The following DNAJA3 variants were observed in gnomAD, a reference collection of about 807,000 sequenced individuals.
DNAJA3 encodes the protein DnaJ heat shock protein family (Hsp40) member A3.
DNAJA3 carries 29 observed loss-of-function variants against 54.9 expected under a neutral mutation model. That is an observed-to-expected ratio of 0.53 (90% confidence interval 0.39 to 0.72). The LOEUF is 0.72. Ranked by LOEUF, DNAJA3 falls within the 30% of genes least tolerant of loss-of-function variation. The pLI is 0.00. For missense variants in DNAJA3, 708 were observed against 639.4 expected (o/e 1.11, Z -1.16); for synonymous variants, 302 against 251.4 (o/e 1.20, Z -1.90).
In DNAJA3 at chr16:4,434,410, A is replaced by G. The variant is rs1267177027; in HGVS notation, c.238A>G (p.Thr80Ala). 1.2e-6 allele frequency: 2 copies of G among 1,613,558 alleles called. No homozygotes were observed. The highest frequency in any genetic ancestry group is 1.7e-6 in the Non-Finnish European group (2 of 1,179,898). ...TGTKHNPFICTASFHTSAPLA... is the reference protein window; with the variant it reads ...TGTKHNPFICAASFHTSAPLA... Reference sequence around the variant, plus strand: ...AACAAAACATAACCCTTTCATTTGTACTGCCTCCTTCCACACGAGTGCCCC... The same window carrying G: ...AACAAAACATAACCCTTTCATTTGTGCTGCCTCCTTCCACACGAGTGCCCC... Residue 80 changes from threonine (T) to alanine (A), a missense_variant, in exon 2 of 12, where the codon ACT (threonine) becomes GCT (alanine). Coordinates refer to ENST00000262375, the MANE Select transcript of DNAJA3 (RefSeq NM_005147.6).
At chr16:4,427,545 G>A (rs1183466810) in intron 1 of DNAJA3, among the ~76,000 whole-genome samples, 1 of 152,210 alleles carries the variant, frequency 6.6e-6, no homozygotes, top group African/African-American at 2.4e-5. Context: ...TCGAGCACCT[G>A]TCTGAAAATT....
At position 4,448,944 on chromosome 16, in the gene DNAJA3, GT is replaced by G. The variant is rs2056941747; in HGVS notation, c.1241+97del. ...TTGGGCAGGTTACTGCTCCCTGTAAGTCAGGTGGTTCCTGCCCGAGTTATCT... is the reference window on the plus strand; with the variant it reads ...TTGGGCAGGTTACTGCTCCCTGTAAGCAGGTGGTTCCTGCCCGAGTTATCT... On this transcript the variant is annotated intron_variant, in intron 9 of 11. Coordinates refer to ENST00000262375, the MANE Select transcript of DNAJA3 (RefSeq NM_005147.6). 2.5e-5 allele frequency: 21 copies of G among 855,532 alleles called. No individual in the cohort carries two copies. The South Asian group carries it at 3.1e-4, about 13-fold the overall frequency. 53.0% of individuals were successfully genotyped at this position (855,532 alleles called of 1,614,324 possible). A position where few individuals can be genotyped will look rare whatever the true frequency, so the allele number is the denominator to read the frequency against.
intron 5 of DNAJA3, 176 bp downstream of exon 5, chr16:4,442,596 T>TA (rs2056849897): frequency 1.4e-6 from 1 of 718,988 alleles, no homozygotes; most frequent in East Asian, 3.1e-5. Flanking sequence ...CTTTCCCTGA[T>TA]ACCACAGGCT....
At position 4,444,727 on chromosome 16, in the gene DNAJA3, G is replaced by C. The variant is rs777703827; in HGVS notation, c.995G>C (p.Arg332Thr). 6.2e-7 allele frequency: 1 copy of C among 1,614,030 alleles called. No homozygotes were observed. Among genetic ancestry groups the C allele is most frequent in the South Asian group, 1.1e-5 (1 of 91,050 alleles). Residue 332 changes from arginine to threonine, a missense_variant and splice_region_variant, in exon 7 of 12, where the codon AGG becomes ACG. By Grantham distance (71) the Arg-to-Thr change is moderately conservative (BLOSUM62 -1). Coordinates refer to ENST00000262375, the MANE Select transcript of DNAJA3 (RefSeq NM_005147.6). ...VGKREIFITF[R>T]VQKSPVFRRD... ...AAAAGGGAAATTTTCATTACGTTCAGGGTAGGTGCCCTGCCCCGCACAGCT... is the reference window on the plus strand; with the variant it reads ...AAAAGGGAAATTTTCATTACGTTCACGGTAGGTGCCCTGCCCCGCACAGCT...
intron 3 of DNAJA3, among the ~76,000 whole-genome samples, chr16:4,439,374 G>T (rs576712731): frequency 1.1e-3 from 159 of 151,324 alleles, no homozygotes; most frequent in African/African-American, 3.6e-3. Context: ...AAAAAAAAGA[G>T]TTGAGGTCTC....
intron 10 of DNAJA3, among the ~76,000 whole-genome samples, chr16:4,452,340 C>T (rs1338117778): frequency 6.6e-6 from 1 of 152,150 alleles, no homozygotes; most frequent in Non-Finnish European, 1.5e-5. Context: ...TCCCTCCTCC[C>T]GCCCATCAGG....
chr16:4,442,284 C>G lies in DNAJA3; in HGVS notation c.647C>G (p.Thr216Arg), dbSNP rs756961084. 2 of 1,596,160 alleles carry G rather than the reference C, an allele frequency of 1.3e-6. No individual in the cohort carries two copies. Among genetic ancestry groups the G allele is most frequent in the African/African-American group, 1.3e-5 (1 of 74,308 alleles). The change falls in exon 5 of 12, where the codon ACA (threonine) becomes AGA (arginine). Residue 216 changes from threonine to arginine, a missense_variant. Thr to Arg is a moderately conservative substitution (Grantham distance 71, BLOSUM62 -1). Transcript: ENST00000262375. ...TTTCTTTAGTACTTCATGGAGTTGA[C>G]ATTCAATCAAGCTGCAAAGGGGGTC... is the stretch of plus-strand genomic sequence containing the variant. ...DQPQEYFMEL[T>R]FNQAAKGVNK... is the part of the protein sequence containing the mutation.
chr16:4,441,532 C>T lies in DNAJA3; in HGVS notation c.587C>T (p.Ser196Phe), dbSNP rs751978124. Residue 196 changes from serine to phenylalanine, a missense_variant, in exon 4 of 12, where the codon TCT becomes TTT. By Grantham distance (155) the Ser-to-Phe change is radical. Coordinates refer to ENST00000262375, the MANE Select transcript of DNAJA3 (RefSeq NM_005147.6). Reference sequence around the variant, plus strand: ...AAGATCTTTGGCGAGTTCTCATCCTCTTCATTTGGAGATTTCCAGACCGTG... The same window carrying T: ...AAGATCTTTGGCGAGTTCTCATCCTTTTCATTTGGAGATTTCCAGACCGTG... ...FRKIFGEFSS[S>F]SFGDFQTVFD... is the part of the protein sequence containing the mutation. The T allele has an allele frequency of 1.1e-5, 17 of 1,614,192 alleles. No homozygotes were observed. The South Asian group carries it at 1.9e-4, about 18-fold the overall frequency.
Position 4,448,863 on chromosome 16 carries a change from G to C in DNAJA3, c.1241+15G>C. On this transcript the variant is annotated intron_variant, in intron 9 of 11. Coordinates refer to ENST00000262375, the MANE Select transcript of DNAJA3 (RefSeq NM_005147.6). Reference sequence around the variant, plus strand: ...CGAGTTCCAAAGTAAGTGCCCCCTAGGCTGTGGCCAAGCCCGCCTGGTCCT... The same window carrying C: ...CGAGTTCCAAAGTAAGTGCCCCCTACGCTGTGGCCAAGCCCGCCTGGTCCT... 6.2e-7 allele frequency: 1 copy of C among 1,604,218 alleles called. No homozygotes were observed. The highest frequency in any genetic ancestry group is 8.5e-7 in the Non-Finnish European group (1 of 1,172,480).
intron 2 of DNAJA3, among the ~76,000 whole-genome samples, chr16:4,436,453 A>G (rs1360400848): frequency 1.3e-5 from 2 of 152,270 alleles, no homozygotes; most frequent in African/African-American, 4.8e-5. Context: ...GTAAAGCTGT[A>G]GCAATTACTG....
chr16:4,454,397 C>T (rs142477005), intron 10 of DNAJA3, among the ~76,000 whole-genome samples: 1,613 of 152,276 alleles, frequency 0.011, 19 homozygotes, highest in Non-Finnish European at 0.016. Flanking sequence ...TTGGGTAAAC[C>T]CTGTAACCTC....
intron 1 of DNAJA3, among the ~76,000 whole-genome samples, chr16:4,431,347 G>A (rs988361968): frequency 1.2e-4 from 19 of 152,188 alleles, no homozygotes; most frequent in African/African-American, 4.6e-4. Flanking sequence ...AACACAAAGT[G>A]GTCTCCTGAC....
Position 4,448,769 on chromosome 16 carries a change from A to G in DNAJA3, c.1162A>G (p.Met388Val). ...GACTCAGACAGACCAGAAGATTCGG[A>G]TGGGTGGGAAAGGCATCCCCCGGAT... ...PGTQTDQKIR[M>V]GGKGIPRINS... Residue 388 changes from methionine to valine, a missense_variant, in exon 9 of 12, where the codon ATG (methionine) becomes GTG (valine). Met to Val is a conservative substitution (Grantham distance 21, BLOSUM62 1). Coordinates refer to ENST00000262375, the MANE Select transcript of DNAJA3 (RefSeq NM_005147.6). 1 of 1,614,100 alleles carries G rather than the reference A, an allele frequency of 6.2e-7. No homozygotes were observed. The highest frequency in any genetic ancestry group is 8.5e-7 in the Non-Finnish European group (1 of 1,179,974).
rs767353402 is a variant in DNAJA3 at position 4,441,425 on chromosome 16, A to C, written c.480A>C (p.Ala160=). ...KRKQYDAYGS[A]GFDPGASGSQ... is the part of the protein sequence containing the mutation. ...AGCAGTACGATGCCTACGGCTCTGC[A>C]GGCTTCGATCCTGGGGCCAGCGGCT... is the stretch of plus-strand genomic sequence containing the variant. The change falls in exon 4 of 12, where the codon GCA becomes GCC. Residue 160 remains alanine (A), a synonymous_variant. Coordinates refer to ENST00000262375, the MANE Select transcript of DNAJA3 (RefSeq NM_005147.6). 1.1e-5 allele frequency: 17 copies of C among 1,614,038 alleles called. No individual in the cohort carries two copies. The highest frequency in any genetic ancestry group is 8.5e-7 in the Non-Finnish European group (1 of 1,180,042).
chr16:4,437,279 A>G (rs1469489649), intron 2 of DNAJA3, 123 bp from the exon 3 acceptor site: 3 of 846,578 alleles, frequency 3.5e-6, no homozygotes, highest in Admixed American at 2.3e-5. Context: ...CCGAGAGACA[A>G]CTTTTATAAA....
chr16:4,428,027 C>T (rs969114137), intron 1 of DNAJA3, among the ~76,000 whole-genome samples: 1 of 151,928 alleles, frequency 6.6e-6, no homozygotes, highest in Middle Eastern at 3.2e-3. Context: ...TCTCAGCTCA[C>T]TGCAAGCTCC....
At position 4,450,445 on chromosome 16, in the gene DNAJA3, G is replaced by A. The variant is rs767184086; in HGVS notation, c.1287G>A (p.Glu429=). The change falls in exon 10 of 12, where the codon GAG becomes GAA. Residue 429 remains glutamate, a synonymous_variant. Transcript: ENST00000262375. ...AGAGCCTGATCCTGAGCTACGCCGA[G>A]GACGAGACAGATGTGGAGGGGACGG... ...RQQSLILSYA[E]DETDVEGTVN... is the part of the protein sequence containing the mutation. 1.2e-6 allele frequency: 2 copies of A among 1,612,400 alleles called. No individual in the cohort carries two copies. Among genetic ancestry groups the A allele is most frequent in the African/African-American group, 1.3e-5 (1 of 75,060 alleles).
Position 4,447,013 on chromosome 16 carries a change from C to A in DNAJA3, c.1124C>A (p.Thr375Lys). Residue 375 changes from threonine to lysine, a missense_variant and splice_region_variant, in exon 8 of 12, where the codon ACG (threonine) becomes AAG (lysine). By Grantham distance (78) the Thr-to-Lys change is moderately conservative (BLOSUM62 -1). Transcript: ENST00000262375. Reference sequence around the variant, plus strand: ...GGCCTGTACGAGACGATCAACGTGACGGTAAGAGGGTGTGAGAACACCTTT... The same window carrying A: ...GGCCTGTACGAGACGATCAACGTGAAGGTAAGAGGGTGTGAGAACACCTTT... Reference protein sequence around the residue: ...AQGLYETINVTIPPGTQTDQK... With the variant: ...AQGLYETINVKIPPGTQTDQK... 3 of 1,613,134 alleles carry A rather than the reference C, an allele frequency of 1.9e-6. No homozygotes were observed. Among genetic ancestry groups the A allele is most frequent in the Non-Finnish European group, 2.5e-6 (3 of 1,179,680 alleles).
intron 2 of DNAJA3, among the ~76,000 whole-genome samples, chr16:4,435,283 C>T (rs1442111666): frequency 2.6e-5 from 4 of 151,912 alleles, no homozygotes; most frequent in Non-Finnish European, 5.9e-5. Context: ...AAGTTGTATA[C>T]GAGATGTCTA....
Sources: gnomAD v4.1 joint callset for allele counts (sites outside exome capture counted in the v4.1 genomes callset) on GRCh38, gnomAD v4.1.1 for gene constraint, MANE v1.5 for transcripts, NCBI Gene and HGNC (gene_info 2026-07-23, HGNC 2026-07-21) for gene names.